Variants in FANCL observed in about 807,000 individuals in gnomAD.
FANCL encodes the protein E3 ubiquitin-protein ligase FANCL.
FANCL carries 69 observed loss-of-function variants against 59.4 expected under a neutral mutation model. The ratio of observed to expected loss-of-function variants is 1.16; its 90% CI spans 0.96 to 1.42. The LOEUF is 1.42. FANCL is among the 40% of genes most tolerant of loss of function. FANCL has a pLI of 0.00. For missense variants in FANCL, 519 were observed against 447.2 expected, an observed-to-expected ratio of 1.16 and a Z score of -1.45; for synonymous variants, 180 against 147.1, an observed-to-expected ratio of 1.22 and a Z score of -1.62.
At chr2:58,181,760 T>G (rs1687964539) in intron 7 of FANCL, among the ~76,000 whole-genome samples, 1 of 151,842 alleles carries the variant, frequency 6.6e-6, no homozygotes. Context: ...GTCAGAAAAT[T>G]TGTAATAAAA....
At chr2:58,215,429 G>A (rs1213829331) in intron 5 of FANCL, among the ~76,000 whole-genome samples, 2 of 152,014 alleles carry the variant, frequency 1.3e-5, no homozygotes, top group African/African-American at 4.8e-5. Context: ...ATCTATTTCT[G>A]GCCTAAATGG....
intron 7 of FANCL, among the ~76,000 whole-genome samples, chr2:58,194,956 A>C (rs967191068): frequency 1.3e-5 from 2 of 152,032 alleles, no homozygotes; most frequent in Non-Finnish European, 2.9e-5. Flanking sequence ...AGATCTTCCA[A>C]GTTTAAAGTC....
intron 7 of FANCL, among the ~76,000 whole-genome samples, chr2:58,175,222 C>T (rs1248688223): frequency 6.8e-6 from 1 of 148,070 alleles, no homozygotes; most frequent in East Asian, 1.9e-4. Flanking sequence ...GGAACTGGTA[C>T]CATTCCTTCT....
In FANCL at chr2:58,163,077, T is replaced by C; in HGVS notation, c.776-3A>G. 6.2e-7 allele frequency: 1 copy of C among 1,609,638 alleles called. No homozygotes were observed. Among genetic ancestry groups the C allele is most frequent in the Non-Finnish European group, 8.5e-7 (1 of 1,178,252 alleles). On this transcript the variant is annotated splice_polypyrimidine_tract_variant and splice_region_variant and intron_variant, in intron 9 of 13. Transcript: ENST00000233741. ...CTTAATTCCCAGGGGTTTTACCACT[T>C]CAGATTAAAAAAAAAAAATTTAATA...
chr2:58,200,655 T>C (rs971505997), intron 6 of FANCL, among the ~76,000 whole-genome samples: 11 of 151,922 alleles, frequency 7.2e-5, no homozygotes, highest in African/African-American at 2.4e-4. Flanking sequence ...CAGCTCATTA[T>C]GCTAAAAGAG....
At chr2:58,238,976 TC>T (rs1694270169) in intron 1 of FANCL, among the ~76,000 whole-genome samples, 1 of 152,096 alleles carries the variant, frequency 6.6e-6, no homozygotes, top group Non-Finnish European at 1.5e-5. Flanking sequence ...ATGATTATAA[TC>T]AAGTAATTTT....
At chr2:58,188,921 T>G (rs910595839) in intron 7 of FANCL, among the ~76,000 whole-genome samples, 16 of 152,138 alleles carry the variant, frequency 1.1e-4, no homozygotes, top group African/African-American at 3.6e-4. Context: ...CATCAATACT[T>G]ACCAAAAAAA....
At position 58,226,709 on chromosome 2, in the gene FANCL, A is replaced by C. The variant is rs1329824014; in HGVS notation, c.273+19T>G. 1 of 912,904 alleles carries C rather than the reference A, an allele frequency of 1.1e-6. No individual in the cohort carries two copies. The highest frequency in any genetic ancestry group is 1.5e-6 in the Non-Finnish European group (1 of 662,724). The allele number at this position is 912,904 out of a possible 1,614,324, so 56.6% of individuals were successfully genotyped here. A position where few individuals can be genotyped will look rare whatever the true frequency, so the allele number is the denominator to read the frequency against. The stretch of plus-strand genomic sequence containing the variant: ...ACTTGCAGTATGGTAACAGTGTCAG[A>C]AAAAAAAAAAATTCTTACCAAAAGC... On this transcript the variant is annotated intron_variant, in intron 4 of 13. Transcript: ENST00000233741.
intron 7 of FANCL, among the ~76,000 whole-genome samples, chr2:58,187,546 C>T (rs1688526288): frequency 6.6e-6 from 1 of 151,504 alleles, no homozygotes; most frequent in Non-Finnish European, 1.5e-5. Context: ...GCACACGTAC[C>T]CTAAAACTTA....
intron 7 of FANCL, among the ~76,000 whole-genome samples, chr2:58,173,973 C>A (rs1227465737): frequency 1.3e-5 from 2 of 151,778 alleles, no homozygotes; most frequent in Non-Finnish European, 2.9e-5. Flanking sequence ...CAAAAAAAGG[C>A]AGGGGTTGCA....
intron 7 of FANCL, among the ~76,000 whole-genome samples, chr2:58,180,764 G>T (rs1440019528): frequency 6.6e-6 from 1 of 151,714 alleles, no homozygotes; most frequent in Non-Finnish European, 1.5e-5. Context: ...TAACATAAGC[G>T]GTCTCACATC....
chr2:58,167,772 T>C (rs1188809696), intron 7 of FANCL, among the ~76,000 whole-genome samples: 2 of 152,198 alleles, frequency 1.3e-5, no homozygotes, highest in African/African-American at 4.8e-5. Flanking sequence ...AAACATTATT[T>C]TTACATTCCA....
At chr2:58,231,053 G>A (rs1192747901) in intron 2 of FANCL, among the ~76,000 whole-genome samples, 2 of 152,068 alleles carry the variant, frequency 1.3e-5, no homozygotes, top group Non-Finnish European at 2.9e-5. Flanking sequence ...TGCTAACCAT[G>A]CCTTGCTTAA....
At chr2:58,232,298 A>G (rs535593963) in intron 1 of FANCL, among the ~76,000 whole-genome samples, 186 bp from the exon 2 acceptor site, 27 of 152,286 alleles carry the variant, frequency 1.8e-4, no homozygotes, top group Non-Finnish European at 3.4e-4. Context: ...AAATAACTCA[A>G]AACTGTCTTA....
intron 7 of FANCL, among the ~76,000 whole-genome samples, chr2:58,175,585 C>T (rs1281371456): frequency 1.1e-4 from 16 of 152,056 alleles, no homozygotes; most frequent in South Asian, 4.1e-4. Context: ...AATTCAACAA[C>T]GCTTCATGCT....
chr2:58,193,688 A>AAG (rs1689157146), intron 7 of FANCL, among the ~76,000 whole-genome samples: 1 of 152,210 alleles, frequency 6.6e-6, no homozygotes, highest in Non-Finnish European at 1.5e-5. Flanking sequence ...CAAAAACAGC[A>AAG]GAGGAAAAAA....
intron 1 of FANCL, among the ~76,000 whole-genome samples, chr2:58,238,176 A>G (rs1460219103): frequency 6.6e-6 from 1 of 152,112 alleles, no homozygotes; most frequent in South Asian, 2.1e-4. Flanking sequence ...ATTTTTTTTT[A>G]GCTTATCAGC....
At chr2:58,219,400 G>C (rs1692250561) in intron 5 of FANCL, among the ~76,000 whole-genome samples, 1 of 151,572 alleles carries the variant, frequency 6.6e-6, no homozygotes, top group Non-Finnish European at 1.5e-5. Flanking sequence ...AACAAAATCT[G>C]AGCAGAAAAA....
At chr2:58,185,846 A>C (rs2104998214) in intron 7 of FANCL, among the ~76,000 whole-genome samples, 1 of 152,312 alleles carries the variant, frequency 6.6e-6, no homozygotes, top group African/African-American at 2.4e-5. Context: ...TTAGTCAAGG[A>C]GTCAGTAGTT....
Sources: gnomAD v4.1 joint callset for allele counts (sites outside exome capture counted in the v4.1 genomes callset) on GRCh38, gnomAD v4.1.1 for gene constraint, MANE v1.5 for transcripts, NCBI Gene and HGNC (gene_info 2026-07-23, HGNC 2026-07-21) for gene names.